DNAJA2: variants seen among roughly 807,000 people sequenced by gnomAD.
DNAJA2 encodes the protein DnaJ heat shock protein family (Hsp40) member A2.
A neutral mutation model predicts 49.3 loss-of-function variants in DNAJA2; 6 were observed. The observed-to-expected ratio is 0.12, with a 90% CI of 0.07 to 0.24. The LOEUF is 0.24. DNAJA2 is among the 10% of genes least tolerant of loss of function. The pLI is 1.00. For missense variants in DNAJA2, 347 were observed against 516.8 expected (o/e 0.67, Z 3.19); for synonymous variants, 160 against 172.7 (o/e 0.93, Z 0.58).
intron 6 of DNAJA2, among the ~76,000 whole-genome samples, chr16:46,961,348 C>G (rs2143645237): frequency 6.6e-6 from 1 of 152,072 alleles, no homozygotes; most frequent in South Asian, 2.1e-4. Context: ...CCACTGCACT[C>G]CAGCCTGGGT....
At position 46,958,711 on chromosome 16, in the gene DNAJA2, G is replaced by A. The variant is rs568012397; in HGVS notation, c.1047+292C>T. On this transcript the variant is annotated intron_variant, in intron 8 of 8. Coordinates refer to ENST00000317089, the MANE Select transcript of DNAJA2 (RefSeq NM_005880.4). The stretch of plus-strand genomic sequence containing the variant: ...TGAGAATCACTTGAACCTGGGAGGC[G>A]GGGGGTACAGTGAGCCGAGACTACA... 7.5e-5 allele frequency: 20 copies of A among 265,098 alleles called. No individual in the cohort carries two copies. The East Asian group carries it at 7.6e-4, about 10-fold the overall frequency. The allele number at this position is 265,098 out of a possible 1,614,324, so 16.4% of individuals were successfully genotyped here.
chr16:46,964,962 G>A (rs767733290), intron 5 of DNAJA2, among the ~76,000 whole-genome samples, 155 bp from the exon 6 acceptor site: 3 of 152,138 alleles, frequency 2.0e-5, no homozygotes, highest in Non-Finnish European at 2.9e-5. Flanking sequence ...GCTCAAGCCT[G>A]CAATCCCAGC....
rs1171565666 is a variant in DNAJA2, at chr16:46,968,049, C to A, written c.443+35G>T. ...TCAGTGTGATACTTAAAAGAACAGA[C>A]AAAATGTACCCAATAAACCAGAAGA... On this transcript the variant is annotated intron_variant, in intron 4 of 8. Coordinates refer to ENST00000317089, the MANE Select transcript of DNAJA2 (RefSeq NM_005880.4). 4 of 1,528,262 alleles carry A rather than the reference C, an allele frequency of 2.6e-6. No individual in the cohort carries two copies. In the South Asian group the frequency reaches 3.6e-5, roughly 14 times the overall value. 94.7% of individuals were successfully genotyped at this position (1,528,262 alleles called of 1,614,324 possible). A position where few individuals can be genotyped will look rare whatever the true frequency, so the allele number is the denominator to read the frequency against.
At position 46,973,672 on chromosome 16, in the gene DNAJA2, A is replaced by T; in HGVS notation, c.-100T>A. The T allele has an allele frequency of 1.6e-6, 2 of 1,275,288 alleles. No homozygotes were observed. Among genetic ancestry groups the T allele is most frequent in the South Asian group, 1.3e-5 (1 of 77,758 alleles). 79.0% of individuals were successfully genotyped at this position (1,275,288 alleles called of 1,614,324 possible). ...GGCGGCGGCACAGGCCGAGGGAGACAGCGAGGGGGAAGCGGGGGCGGGGCT... is the reference window on the plus strand; with the variant it reads ...GGCGGCGGCACAGGCCGAGGGAGACTGCGAGGGGGAAGCGGGGGCGGGGCT... On this transcript the variant is annotated 5_prime_UTR_variant, in exon 1 of 9. Transcript: ENST00000317089.
chr16:46,970,403 C>G (rs1252226962), intron 3 of DNAJA2, among the ~76,000 whole-genome samples: 1 of 152,198 alleles, frequency 6.6e-6, no homozygotes, highest in East Asian at 1.9e-4. Flanking sequence ...GACAGTCACT[C>G]ATTTTTAGTT....
chr16:46,968,937 C>T (rs1962010362), intron 3 of DNAJA2, among the ~76,000 whole-genome samples: 1 of 151,890 alleles, frequency 6.6e-6, no homozygotes. Flanking sequence ...GTCCCAGCTA[C>T]CCAGGAGGCT....
Position 46,967,680 on chromosome 16 carries a change from G to C in DNAJA2, c.444-34C>G, listed in dbSNP as rs373057510. 5 of 1,613,414 alleles carry C rather than the reference G, an allele frequency of 3.1e-6. No individual in the cohort carries two copies. The African/African-American group carries it at 6.7e-5, about 22-fold the overall frequency. ...AGCACAAGTTATGCATTAGGTTTTT[G>C]TCCACAAACCACTCCAATAAGCTAT... On this transcript the variant is annotated intron_variant, in intron 4 of 8. Transcript: ENST00000317089.
intron 6 of DNAJA2, among the ~76,000 whole-genome samples, chr16:46,963,641 A>G (rs1045936026): frequency 2.0e-5 from 3 of 152,140 alleles, no homozygotes; most frequent in Non-Finnish European, 2.9e-5. Context: ...CGAAGGTTGC[A>G]GTGATCCCAG....
intron 3 of DNAJA2, among the ~76,000 whole-genome samples, chr16:46,970,371 T>C (rs994994893): frequency 1.3e-5 from 2 of 152,236 alleles, no homozygotes; most frequent in African/African-American, 2.4e-5. Flanking sequence ...TGAGTGACTC[T>C]AACATGTACA....
intron 1 of DNAJA2, among the ~76,000 whole-genome samples, 177 bp downstream of exon 1, chr16:46,973,318 C>A (rs1160423456): frequency 1.9e-4 from 29 of 150,942 alleles, no homozygotes; most frequent in Non-Finnish European, 8.9e-5. Context: ...TCAGCCGAGG[C>A]CGGAGTGCGC....
Sources: gnomAD v4.1 joint callset for allele counts (sites outside exome capture counted in the v4.1 genomes callset) on GRCh38, gnomAD v4.1.1 for gene constraint, MANE v1.5 for transcripts, NCBI Gene and HGNC (gene_info 2026-07-23, HGNC 2026-07-21) for gene names.